TDRD12: variants seen among roughly 807,000 people sequenced by gnomAD.
TDRD12 encodes tudor domain containing 12, also known as putative ATP-dependent RNA helicase TDRD12.
In TDRD12, 158 loss-of-function variants were observed where a neutral mutation model predicts 133.5. That is an observed-to-expected ratio of 1.18 (90% CI 1.04 to 1.35). The LOEUF is 1.35. TDRD12 is among the 40% of genes most tolerant of loss of function. TDRD12 has a pLI of 0.00. For missense variants in TDRD12, 1,443 were observed against 1,321.3 expected (o/e 1.09, Z -1.43); for synonymous variants, 460 against 477.9 (o/e 0.96, Z 0.49).
At chr19:32,811,448 G>A (rs1358665754) in intron 24 of TDRD12, 28 bp downstream of exon 24, 3 of 1,513,382 alleles carry the variant, frequency 2.0e-6, no homozygotes, top group South Asian at 2.4e-5. Flanking sequence ...TTTATCTATT[G>A]TTGACTTTTA....
chr19:32,787,184 C>T (rs1970932544), intron 11 of TDRD12, among the ~76,000 whole-genome samples: 2 of 152,122 alleles, frequency 1.3e-5, no homozygotes, highest in African/African-American at 4.8e-5. Flanking sequence ...CAGACAGGCC[C>T]CTCAGCTGCA....
intron 8 of TDRD12, among the ~76,000 whole-genome samples, chr19:32,772,136 T>C (rs1970458946): frequency 6.6e-6 from 1 of 152,134 alleles, no homozygotes. Context: ...GTGGGGGCAG[T>C]GATCTGAGGA....
chr19:32,744,511 AAAAAAAAAAAAAAC>A (rs1969535416), intron 4 of TDRD12, among the ~76,000 whole-genome samples: 1 of 147,722 alleles, frequency 6.8e-6, no homozygotes, highest in Non-Finnish European at 1.5e-5. Context: ...AAAAAAAAAA[AAAAAAAAAAAAAAC>A]AAAAGAATAT....
intron 4 of TDRD12, among the ~76,000 whole-genome samples, chr19:32,746,937 T>TGAGA (rs35506918): frequency 5.5e-4 from 69 of 126,026 alleles, no homozygotes; most frequent in African/African-American, 1.6e-3. Context: ...GGCTATTCTG[T>TGAGA]GAGAGAGAGA....
chr19:32,823,924 C>T (rs754984451), downstream of TDRD12, among the ~76,000 whole-genome samples: 9 of 152,158 alleles, frequency 5.9e-5, no homozygotes, highest in Non-Finnish European at 1.0e-4. Flanking sequence ...GTGGGGCCCT[C>T]GGGGGACGTC....
chr19:32,746,261 A>T (rs574074090), intron 4 of TDRD12, among the ~76,000 whole-genome samples: 25 of 142,988 alleles, frequency 1.7e-4, no homozygotes, highest in Admixed American at 3.5e-4. Context: ...TGTGTGTGTG[A>T]GAGAGAGAGA....
intron 4 of TDRD12, among the ~76,000 whole-genome samples, chr19:32,743,340 C>T (rs1273190319): frequency 6.6e-6 from 1 of 151,912 alleles, no homozygotes; most frequent in Non-Finnish European, 1.5e-5. Context: ...TGCCACCATA[C>T]CCAGCTAACT....
At chr19:32,725,383 A>T (rs758669062) in intron 1 of TDRD12, among the ~76,000 whole-genome samples, 1 of 151,800 alleles carries the variant, frequency 6.6e-6, no homozygotes, top group African/African-American at 2.4e-5. Flanking sequence ...TATTGAGTTA[A>T]TTTTTGTATA....
At chr19:32,789,358 A>AT (rs1398248171) in intron 11 of TDRD12, among the ~76,000 whole-genome samples, 1 of 152,070 alleles carries the variant, frequency 6.6e-6, no homozygotes, top group African/African-American at 2.4e-5. Context: ...CAATTCAGTG[A>AT]TTTTTAGTGT....
At chr19:32,796,398 A>G (rs1971228581) in intron 14 of TDRD12, among the ~76,000 whole-genome samples, 3 of 152,246 alleles carry the variant, frequency 2.0e-5, no homozygotes, top group Middle Eastern at 3.4e-3. Context: ...TATCCTGGCC[A>G]ACATGGTGAA....
intron 8 of TDRD12, among the ~76,000 whole-genome samples, chr19:32,770,505 C>T (rs1970415892): frequency 6.6e-6 from 1 of 152,158 alleles, no homozygotes; most frequent in Admixed American, 6.5e-5. Flanking sequence ...GTCCTCACAT[C>T]AAGAACGTCA....
At chr19:32,755,419 A>G (rs569387589) in intron 6 of TDRD12, among the ~76,000 whole-genome samples, 122 of 152,322 alleles carry the variant, frequency 8.0e-4, no homozygotes, top group African/African-American at 2.6e-3. Flanking sequence ...GTAGCACCTC[A>G]TTGTGGTTTA....
chr19:32,825,834 C>G (rs1967571085), downstream of TDRD12, among the ~76,000 whole-genome samples: 1 of 152,144 alleles, frequency 6.6e-6, no homozygotes, highest in African/African-American at 2.4e-5. The surrounding 1 kb of genome is among the most constrained non-coding windows in gnomAD (Gnocchi z 4.1). Context: ...GAGTCAAGAT[C>G]ATACCATTGC....
At chr19:32,798,237 A>T in intron 15 of TDRD12, 71 bp from the exon 16 acceptor site, 2 of 1,436,184 alleles carry the variant, frequency 1.4e-6, no homozygotes, top group Non-Finnish European at 1.9e-6. Context: ...AAGTATGTGG[A>T]CTCTTAGCAG....
chr19:32,732,829 G>A (rs571822024), intron 2 of TDRD12, among the ~76,000 whole-genome samples: 3 of 152,202 alleles, frequency 2.0e-5, no homozygotes, highest in East Asian at 1.9e-4. Flanking sequence ...TTGTTTCCAC[G>A]CCATTGACTA....
At position 32,814,547 on chromosome 19, in the gene TDRD12, TGAG is replaced by T. The variant is rs796757779; in HGVS notation, c.3141+775_3141+777del. On this transcript the variant is annotated intron_variant, in intron 25 of 27. Coordinates refer to ENST00000444215, the Ensembl canonical transcript of TDRD12. ...AATATGGATTACAAATGCAGGTAAA[TGAG>T]GAGATTTGGGCATCTTAGTTGATGT... 2.0e-4 allele frequency among the ~76,000 whole-genome samples: 31 copies of T among 152,240 alleles called. 1 individual carries two copies. Among genetic ancestry groups the T allele is most frequent in the African/African-American group, 6.5e-4 (27 of 41,542 alleles).
At chr19:32,742,821 A>G in exon 4 of TDRD12, 3 of 1,551,948 alleles carry the variant, frequency 1.9e-6, no homozygotes, top group Non-Finnish European at 2.6e-6. Context: ...GCTTCCCTAT[A>G]GAGCAAAAAA....
intron 6 of TDRD12, 104 bp downstream of exon 6, chr19:32,749,973 A>G: frequency 2.4e-6 from 2 of 832,576 alleles, no homozygotes; most frequent in Non-Finnish European, 3.7e-6. Context: ...TACAGCATAG[A>G]AATTGTCTTA....
chr19:32,764,211 C>T (rs1158164129), intron 8 of TDRD12, among the ~76,000 whole-genome samples: 2 of 144,654 alleles, frequency 1.4e-5, no homozygotes, highest in African/African-American at 5.1e-5. Flanking sequence ...CCCAGGTTCA[C>T]ACCATTCTCC....
Sources: gnomAD v4.1 joint callset for allele counts (sites outside exome capture counted in the v4.1 genomes callset) on GRCh38, gnomAD v4.1.1 for gene constraint, Gnocchi (gnomAD v3.1) non-coding constraint, MANE v1.5 for transcripts, NCBI Gene and HGNC (gene_info 2026-07-23, HGNC 2026-07-21) for gene names.